SLC19A1: variants seen among roughly 807,000 people sequenced by gnomAD.
SLC19A1 encodes reduced folate transporter.
In SLC19A1, 37 loss-of-function variants were observed where a neutral mutation model predicts 35.3. The observed-to-expected ratio is 1.05, with a 90% CI of 0.81 to 1.38. The LOEUF (loss-of-function observed/expected upper bound fraction) is 1.38, where lower values mean the gene tolerates loss of function less well. Ranked by LOEUF, SLC19A1 falls within the 40% of genes most tolerant of loss-of-function variation. SLC19A1 has a pLI of 0.00. For synonymous variants in SLC19A1, 460 were observed against 398.5 expected, an observed-to-expected ratio of 1.15 and a Z score of -1.84; for missense variants, 831 against 826.9, an observed-to-expected ratio of 1.00 and a Z score of -0.06.
chr21:45,509,454 G>C (rs1333622483), downstream of SLC19A1: 1 of 1,533,864 alleles, frequency 6.5e-7, no homozygotes, highest in Non-Finnish European at 8.8e-7. Flanking sequence ...CGCGGCCCTG[G>C]CGGGCAGATG....
At position 45,531,613 on chromosome 21, in the gene SLC19A1, AG is replaced by A; in HGVS notation, c.724del (p.Leu242CysfsTer86). 1 of 1,612,242 alleles carries A rather than the reference AG, an allele frequency of 6.2e-7. No individual in the cohort carries two copies. The highest frequency in any genetic ancestry group is 8.5e-7 in the Non-Finnish European group (1 of 1,179,692). ...CACTGAGTCCCCACAGGCCACCCGC[AG>A]GGCGTGTCCCAGCTTCCCGCCTGGG... ...PGPGGKLGHA[L>X]RVACGDSVLA... On this transcript the variant is annotated frameshift_variant, in exon 3 of 6. Coordinates refer to ENST00000311124, the MANE Select transcript of SLC19A1 (RefSeq NM_194255.4). LOFTEE classifies it high-confidence loss of function.
rs2077996339 is a variant in SLC19A1, at chr21:45,533,283, GGA to G, written c.190-1137_190-1136del. The stretch of plus-strand genomic sequence containing the variant: ...ACACATCCACCTTCCATGGGAACGT[GGA>G]GCTGGGCACGGGGCTGGGGGTGCTA... On this transcript the variant is annotated intron_variant, in intron 2 of 5. Transcript: ENST00000311124. The surrounding 1 kb of genome is among the most constrained non-coding windows in gnomAD (Gnocchi z 4.5). Among the ~76,000 whole-genome samples, 1 of 36,352 alleles carries G rather than the reference GGA, an allele frequency of 2.8e-5. No homozygotes were observed. Among genetic ancestry groups the G allele is most frequent in the East Asian group, 7.1e-4 (1 of 1,408 alleles). 23.8% of individuals were successfully genotyped at this position (36,352 alleles called of 152,430 possible).
downstream of SLC19A1, chr21:45,511,246 T>C: frequency 7.6e-7 from 1 of 1,320,036 alleles, no homozygotes; most frequent in South Asian, 1.2e-5. Flanking sequence ...CAGTGCCGTG[T>C]GAGCAGCTCT....
intron 3 of SLC19A1, 94 bp downstream of exon 3, chr21:45,531,295 G>A (rs1229808734): frequency 1.3e-6 from 2 of 1,484,726 alleles, no homozygotes; most frequent in South Asian, 1.3e-5. Context: ...CAGGGGGCGG[G>A]AGAGGGAGCC....
In SLC19A1 at chr21:45,516,003, C is replaced by T; in HGVS notation, c.1431G>A (p.Glu477=). Residue 477 remains glutamate, a synonymous_variant, in exon 6 of 6, where the codon GAG becomes GAA. Transcript: ENST00000311124. ...CGCTCAGTGCCTGTGCTGCCTTCTC[C>T]TCCGCGGCACTCCTCAGGCCCTGGG... ...PPAQGLRSAA[E]EKAAQALSVQ... is the part of the protein sequence containing the mutation. 6.4e-7 allele frequency: 1 copy of T among 1,569,202 alleles called. No homozygotes were observed. The highest frequency in any genetic ancestry group is 8.6e-7 in the Non-Finnish European group (1 of 1,158,184).
At position 45,530,717 on chromosome 21, in the gene SLC19A1, G is replaced by A; in HGVS notation, c.1151+53C>T. The A allele has an allele frequency of 6.6e-7, 1 of 1,524,790 alleles. No homozygotes were observed. The highest frequency in any genetic ancestry group is 2.0e-5 in the Admixed American group (1 of 49,878). 94.5% of individuals were successfully genotyped at this position (1,524,790 alleles called of 1,614,324 possible). ...GGTGGGAGCACCCAGCGAAGCGCGGGGCTTGATCCTGGCGCCTGCCCGCCC... is the reference window on the plus strand; with the variant it reads ...GGTGGGAGCACCCAGCGAAGCGCGGAGCTTGATCCTGGCGCCTGCCCGCCC... On this transcript the variant is annotated intron_variant, in intron 4 of 5. Coordinates refer to ENST00000311124, the MANE Select transcript of SLC19A1 (RefSeq NM_194255.4). The surrounding 1 kb of genome is among the most constrained non-coding windows in gnomAD (Gnocchi z 5.3).
rs201529810 is a variant in SLC19A1 at position 45,515,903 on chromosome 21, C to A, written c.1531G>T (p.Val511Leu). Residue 511 changes from valine to leucine, a missense_variant, in exon 6 of 6, where the codon GTG becomes TTG. Val to Leu is a conservative substitution (Grantham distance 32, BLOSUM62 1). Transcript: ENST00000311124. The part of the protein sequence containing the change: ...PLSPEDSLGA[V>L]GPASLEQRQS... The stretch of plus-strand genomic sequence containing the variant: ...CTCTGCTCCAGGGAGGCTGGCCCCA[C>A]AGCCCCCAGGCTGTCTTCTGGGGAA... 214 of 1,553,694 alleles carry A rather than the reference C, an allele frequency of 1.4e-4. No homozygotes were observed. The African/African-American group carries it at 1.9e-3, about 14-fold the overall frequency.
At chr21:45,518,159 C>T (rs1354004740) in intron 5 of SLC19A1, among the ~76,000 whole-genome samples, 1 of 152,050 alleles carries the variant, frequency 6.6e-6, no homozygotes, top group Non-Finnish European at 1.5e-5. Context: ...AACACAGTCT[C>T]AGCAAAGAAA....
chr21:45,505,986 G>C lies in SLC19A1; in HGVS notation c.498-7374C>G, dbSNP rs1423146195. On this transcript the variant is annotated intron_variant, in intron 3 of 4. Coordinates refer to the SLC19A1 transcript ENST00000417954. ...GTCCAGGTGAGCGCTCTGTGTGACG[G>C]GTTCTGGACCCGTGGAAGGGCCGAA... 2 of 1,612,814 alleles carry C rather than the reference G, an allele frequency of 1.2e-6. No homozygotes were observed. The highest frequency in any genetic ancestry group is 1.7e-5 in the Admixed American group (1 of 59,996).
chr21:45,545,518 C>T (rs1156419621), upstream of SLC19A1, among the ~76,000 whole-genome samples: 2 of 151,988 alleles, frequency 1.3e-5, no homozygotes, highest in Non-Finnish European at 2.9e-5. Context: ...AACCGTGAGC[C>T]AATTACACCT....
intron 2 of SLC19A1, 30 bp downstream of exon 2, chr21:45,537,741 C>G: frequency 2.5e-6 from 3 of 1,217,650 alleles, no homozygotes; most frequent in Non-Finnish European, 3.1e-6. Context: ...CACCCACAGG[C>G]GGCCGCCCGG....
intron 1 of SLC19A1, among the ~76,000 whole-genome samples, chr21:45,538,880 A>C (rs890656227): frequency 6.6e-6 from 1 of 152,128 alleles, no homozygotes; most frequent in Non-Finnish European, 1.5e-5. Context: ...CCATCCCGCC[A>C]GCACCCCCGC....
chr21:45,505,730 A>G, intron 3 of SLC19A1: 1 of 946,834 alleles, frequency 1.1e-6, no homozygotes, highest in African/African-American at 1.6e-5. Flanking sequence ...ACACCTGTCC[A>G]AAGCCCTGCG....
chr21:45,515,070 C>T lies in SLC19A1; in HGVS notation c.*588G>A, dbSNP rs2037823277. On this transcript the variant is annotated 3_prime_UTR_variant, in exon 6 of 6. Transcript: ENST00000311124. ...CCAGCTCCGAGGACCAGAGCCGCTG[C>T]TCCCCTCTGATGACAATGTGTCTGC... The T allele has an allele frequency of 2.6e-6, 4 of 1,545,756 alleles. No homozygotes were observed. Among genetic ancestry groups the T allele is most frequent in the African/African-American group, 1.4e-5 (1 of 72,514 alleles).
At chr21:45,559,227 A>G (rs1051354626) in intron 1 of SLC19A1, among the ~76,000 whole-genome samples, 4 of 152,250 alleles carry the variant, frequency 2.6e-5, no homozygotes, top group African/African-American at 9.6e-5. Flanking sequence ...TCTTTAAGTC[A>G]AAAAGCACCA....
chr21:45,533,197 C>T lies in SLC19A1; in HGVS notation c.190-1049G>A, dbSNP rs1036279863. ...GTTATGTGGGAACCCAGCTCCACAG[C>T]CTTGGCCACTGAGCTGCTGGTGGAC... is the stretch of plus-strand genomic sequence containing the variant. On this transcript the variant is annotated intron_variant, in intron 2 of 5. Coordinates refer to ENST00000311124, the MANE Select transcript of SLC19A1 (RefSeq NM_194255.4). This position sits in a 1 kb window ranked among gnomAD's most constrained non-coding sequence, Gnocchi z 4.5. Among the ~76,000 whole-genome samples, 7 of 152,230 alleles carry T rather than the reference C, an allele frequency of 4.6e-5. No homozygotes were observed. The highest frequency in any genetic ancestry group is 1.7e-4 in the African/African-American group (7 of 41,470).
In SLC19A1 at chr21:45,537,914, G is replaced by C; in HGVS notation, c.46C>G (p.Pro16Ala). ...GACCGGAGCTCGGGGTCAGGCCCAG[G>C]TTCCACGGGCACCTGCTTCTCCACC... ...PAVEKQVPVE[P>A]GPDPELRSWR... Residue 16 changes from proline (P) to alanine (A), a missense_variant, in exon 2 of 6, where the codon CCT becomes GCT. By Grantham distance (27) the Pro-to-Ala change is conservative (BLOSUM62 -1). Coordinates refer to ENST00000311124, the MANE Select transcript of SLC19A1 (RefSeq NM_194255.4). 6.3e-7 allele frequency: 1 copy of C among 1,593,186 alleles called. No individual in the cohort carries two copies. The highest frequency in any genetic ancestry group is 8.5e-7 in the Non-Finnish European group (1 of 1,173,620).
Position 45,531,920 on chromosome 21 carries a change from T to C in SLC19A1, c.418A>G (p.Ile140Val), listed in dbSNP as rs1368006308. The part of the protein sequence containing the change: ...MAARIAYSSY[I>V]FSLVRPARYQ... ...CGCGCGGGCCGCACGAGAGAGAAGATGTAGGAGGAATAGGCGATGCGCGCG... is the reference window on the plus strand; with the variant it reads ...CGCGCGGGCCGCACGAGAGAGAAGACGTAGGAGGAATAGGCGATGCGCGCG... Residue 140 changes from isoleucine (I) to valine (V), a missense_variant, in exon 3 of 6, where the codon ATC becomes GTC. Ile to Val is a conservative substitution (Grantham distance 29). Transcript: ENST00000311124. 1 of 1,597,740 alleles carries C rather than the reference T, an allele frequency of 6.3e-7. No individual in the cohort carries two copies. The highest frequency in any genetic ancestry group is 2.3e-5 in the East Asian group (1 of 43,900).
chr21:45,552,985 T>C (rs1448869818), intron 1 of SLC19A1, among the ~76,000 whole-genome samples: 3 of 152,184 alleles, frequency 2.0e-5, no homozygotes, highest in Admixed American at 6.5e-5. Context: ...TGCTCACTTT[T>C]ACACAAGACC....
Sources: allele counts gnomAD v4.1 joint callset (sites outside exome capture counted in the v4.1 genomes callset), GRCh38; gene constraint gnomAD v4.1.1; non-coding constraint Gnocchi (gnomAD v3.1); transcripts MANE v1.5; gene names NCBI Gene and HGNC (gene_info 2026-07-23, HGNC 2026-07-21).